VWA5B1: variants seen among roughly 807,000 people sequenced by gnomAD.
VWA5B1 encodes von Willebrand factor A domain containing 5B1.
VWA5B1 carries 115 observed loss-of-function variants against 118.2 expected under a neutral mutation model. The observed-to-expected ratio is 0.97, with a 90% CI of 0.84 to 1.14. The LOEUF (loss-of-function observed/expected upper bound fraction) is 1.14, where lower values mean the gene tolerates loss of function less well. VWA5B1 is among the 50% of genes most tolerant of loss of function. The pLI, the probability that VWA5B1 is intolerant of heterozygous loss-of-function variation, is 0.00. For missense variants in VWA5B1, 1,596 were observed against 1,603.8 expected (o/e 1.00, Z 0.08); for synonymous variants, 682 against 658.4 (o/e 1.04, Z -0.55).
In VWA5B1 at chr1:20,314,428, G is replaced by A. The variant is rs1478918318; in HGVS notation, c.399G>A (p.Gly133=). Residue 133 remains glycine (G), a synonymous_variant, in exon 4 of 22, where the codon GGG becomes GGA. Coordinates refer to ENST00000289815, the MANE Select transcript of VWA5B1 (RefSeq NM_001039500.3). ...GGATCCTGTTCGTGGCCAACCTGGG[G>A]ACCATTGCCCCCATGGAGAATGTCA... The part of the protein sequence containing the change: ...LERILFVANL[G]TIAPMENVTI... 1.9e-6 allele frequency: 3 copies of A among 1,551,944 alleles called. No individual in the cohort carries two copies. The highest frequency in any genetic ancestry group is 1.4e-5 in the African/African-American group (1 of 73,146).
Position 20,358,342 on chromosome 1 carries a change from G to A in VWA5B1, c.*4079G>A, listed in dbSNP as rs1557464297. Among the ~76,000 whole-genome samples, 2 of 152,354 alleles carry A rather than the reference G, an allele frequency of 1.3e-5. No homozygotes were observed. The highest frequency in any genetic ancestry group is 2.4e-5 in the African/African-American group (1 of 41,576). On this transcript the variant is annotated 3_prime_UTR_variant, in exon 22 of 22. Coordinates refer to ENST00000289815, the MANE Select transcript of VWA5B1 (RefSeq NM_001039500.3). ...CAGCTGTCAAAAAAGGTTTCTGGAA[G>A]TTTCCTCTAGATCCTGACTTGCCCT...
intron 9 of VWA5B1, 80 bp downstream of exon 9, chr1:20,328,080 G>T (rs1164703415): frequency 1.5e-6 from 2 of 1,371,438 alleles, no homozygotes; most frequent in Non-Finnish European, 2.0e-6. Flanking sequence ...GGAAAAAATA[G>T]TTAAAACCCT....
chr1:20,337,777 C>A lies in VWA5B1; in HGVS notation c.2074C>A (p.Leu692Met). The A allele has an allele frequency of 6.4e-7, 1 of 1,551,834 alleles. No homozygotes were observed. Among genetic ancestry groups the A allele is most frequent in the East Asian group, 2.4e-5 (1 of 40,910 alleles). Reference protein sequence around the residue: ...AKRYPLRKARLQDLTNQTSLD... With the variant: ...AKRYPLRKARMQDLTNQTSLD... ...GAGATACCCACTGCGGAAAGCCAGGCTGCAGGACCTCACCAACCAGACCAG... is the reference window on the plus strand; with the variant it reads ...GAGATACCCACTGCGGAAAGCCAGGATGCAGGACCTCACCAACCAGACCAG... The change falls in exon 14 of 22, where the codon CTG (leucine) becomes ATG (methionine). Residue 692 changes from leucine to methionine, a missense_variant. Leu to Met is a conservative substitution (Grantham distance 15, BLOSUM62 2). Coordinates refer to ENST00000289815, the MANE Select transcript of VWA5B1 (RefSeq NM_001039500.3).
chr1:20,337,579 G>A, intron 13 of VWA5B1, 67 bp from the exon 14 acceptor site: 2 of 1,463,842 alleles, frequency 1.4e-6, no homozygotes, highest in Non-Finnish European at 1.8e-6. Context: ...AACAGGAAAG[G>A]GGATGCAAGC....
At chr1:20,301,736 C>T (rs113680113) in intron 1 of VWA5B1, among the ~76,000 whole-genome samples, 2,089 of 152,284 alleles carry the variant, frequency 0.014, 54 homozygotes, top group African/African-American at 0.047. Flanking sequence ...TGCTTTTCAG[C>T]GGAGCCACAG....
chr1:20,351,315 T>A (rs1469370033), intron 20 of VWA5B1, among the ~76,000 whole-genome samples: 1 of 151,438 alleles, frequency 6.6e-6, no homozygotes, highest in African/African-American at 2.4e-5. Flanking sequence ...GGCCAGGAGT[T>A]CGAGACCAGC....
intron 11 of VWA5B1, among the ~76,000 whole-genome samples, chr1:20,332,505 A>AAAATAAAATAAAATAAAATAAAATG: frequency 6.8e-6 from 1 of 147,058 alleles, no homozygotes; most frequent in Non-Finnish European, 1.5e-5. Flanking sequence ...AAAATAAAAT[A>AAAATAAAATAAAATAAAATAAAATG]AAATAAAATA....
intron 1 of VWA5B1, among the ~76,000 whole-genome samples, chr1:20,297,709 C>T (rs899681690): frequency 6.6e-6 from 1 of 152,214 alleles, no homozygotes; most frequent in Non-Finnish European, 1.5e-5. Flanking sequence ...GATCTGAATG[C>T]CTGGTGGCCA....
At chr1:20,299,246 TC>T (rs1267918267) in intron 1 of VWA5B1, among the ~76,000 whole-genome samples, 1 of 152,010 alleles carries the variant, frequency 6.6e-6, no homozygotes, top group Non-Finnish European at 1.5e-5. Flanking sequence ...GTCTCTCCCT[TC>T]CCTCTTAACC....
chr1:20,348,867 G>A (rs1283051548), intron 18 of VWA5B1, among the ~76,000 whole-genome samples: 1 of 152,180 alleles, frequency 6.6e-6, no homozygotes, highest in South Asian at 2.1e-4. Context: ...ACCTTTTTGT[G>A]ACCTTGCACT....
chr1:20,345,464 C>T lies in VWA5B1; in HGVS notation c.2635C>T (p.Arg879Cys), dbSNP rs754671674. Residue 879 changes from arginine to cysteine, a missense_variant, in exon 17 of 22, where the codon CGC (arginine) becomes TGC (cysteine). Transcript: ENST00000289815. Reference sequence around the variant, plus strand: ...AGTTTCTCCCTCCACAGGGTCCAACCGCCGCTACCAAGTGAGCGCCTTGCA... The same window carrying T: ...AGTTTCTCCCTCCACAGGGTCCAACTGCCGCTACCAAGTGAGCGCCTTGCA... ...REGEIEQGSN[R>C]RYQVSALHTS... 52 of 1,550,962 alleles carry T rather than the reference C, an allele frequency of 3.4e-5. No individual in the cohort carries two copies. Among genetic ancestry groups the T allele is most frequent in the East Asian group, 2.4e-4 (10 of 40,930 alleles).
rs559966646 is a variant in VWA5B1, at chr1:20,355,787, T to C, written c.*1524T>C. Among the ~76,000 whole-genome samples, 3 of 152,186 alleles carry C rather than the reference T, an allele frequency of 2.0e-5. No homozygotes were observed. The highest frequency in any genetic ancestry group is 3.4e-3 in the Middle Eastern group (1 of 294). On this transcript the variant is annotated 3_prime_UTR_variant, in exon 22 of 22. Transcript: ENST00000289815. ...GAGAAAAAGCAGCCCCAACATGATATGGTGCCCTGCCCCCCACCCCCACCC... is the reference window on the plus strand; with the variant it reads ...GAGAAAAAGCAGCCCCAACATGATACGGTGCCCTGCCCCCCACCCCCACCC...
chr1:20,332,567 T>C (rs547339402), intron 11 of VWA5B1, among the ~76,000 whole-genome samples, 199 bp from the exon 12 acceptor site: 2 of 147,952 alleles, frequency 1.4e-5, no homozygotes, highest in East Asian at 3.9e-4. Context: ...TTAGAAAAGA[T>C]GAAGCGAAGA....
chr1:20,322,577 C>T (rs2089253746), intron 7 of VWA5B1, among the ~76,000 whole-genome samples: 3 of 152,298 alleles, frequency 2.0e-5, no homozygotes, highest in South Asian at 4.1e-4. Flanking sequence ...GACCTGCCCT[C>T]AAGTATAATA....
At position 20,317,565 on chromosome 1, in the gene VWA5B1, G is replaced by C; in HGVS notation, c.599G>C (p.Gly200Ala). The change falls in exon 5 of 22, where the codon GGC (glycine) becomes GCC (alanine). Residue 200 changes from glycine to alanine, a missense_variant. Coordinates refer to ENST00000289815, the MANE Select transcript of VWA5B1 (RefSeq NM_001039500.3). ...CACTGCTTCGGTGCCTGGGCCCCGGGCTCCTGGAATAAGTTGTGCCTGGCG... is the reference window on the plus strand; with the variant it reads ...CACTGCTTCGGTGCCTGGGCCCCGGCCTCCTGGAATAAGTTGTGCCTGGCG... ...DRHCFGAWAPGSWNKLCLATL... is the reference protein window; with the variant it reads ...DRHCFGAWAPASWNKLCLATL... 2 of 1,551,728 alleles carry C rather than the reference G, an allele frequency of 1.3e-6. No homozygotes were observed. The highest frequency in any genetic ancestry group is 1.7e-6 in the Non-Finnish European group (2 of 1,147,006).
chr1:20,309,550 T>C (rs2100832930), intron 1 of VWA5B1, among the ~76,000 whole-genome samples: 1 of 152,268 alleles, frequency 6.6e-6, no homozygotes, highest in South Asian at 2.1e-4. Context: ...GCAGGGTGTG[T>C]TTGGGGACCG....
At chr1:20,305,500 C>T (rs1228106665) in intron 1 of VWA5B1, among the ~76,000 whole-genome samples, 2 of 152,004 alleles carry the variant, frequency 1.3e-5, no homozygotes, top group East Asian at 1.9e-4. Context: ...AGCCAAAATG[C>T]ATCAGCCCCC....
At chr1:20,319,574 T>C in intron 7 of VWA5B1, 68 bp downstream of exon 7, 1 of 1,535,040 alleles carries the variant, frequency 6.5e-7, no homozygotes, top group Non-Finnish European at 8.8e-7. Flanking sequence ...TGGTCTCCAC[T>C]GAACAAGTGA....
At chr1:20,311,514 G>A (rs1010493386) in intron 2 of VWA5B1, among the ~76,000 whole-genome samples, 3 of 152,234 alleles carry the variant, frequency 2.0e-5, no homozygotes, top group African/African-American at 2.4e-5. Context: ...ACAGAAGGCA[G>A]GACTTTGTGG....
Sources: gnomAD v4.1 joint callset for allele counts (sites outside exome capture counted in the v4.1 genomes callset) on GRCh38, gnomAD v4.1.1 for gene constraint, MANE v1.5 for transcripts, NCBI Gene and HGNC (gene_info 2026-07-23, HGNC 2026-07-21) for gene names.